The following C9 variants were observed in gnomAD, a reference collection of about 807,000 sequenced individuals.
C9 encodes the protein complement component C9.
A neutral mutation model predicts 65.4 loss-of-function variants in C9; 63 were observed. The ratio of observed to expected loss-of-function variants is 0.96; its 90% confidence interval spans 0.79 to 1.19. C9 has a LOEUF of 1.19. C9 is among the 50% of genes most tolerant of loss of function. The pLI, the probability that C9 is intolerant of heterozygous loss-of-function variation, is 0.00. For synonymous variants in C9, 229 were observed against 227.9 expected, an observed-to-expected ratio of 1.00 and a Z score of -0.04; for missense variants, 744 against 670.1, an observed-to-expected ratio of 1.11 and a Z score of -1.22.
At chr5:39,359,015 AAAATATAT>A (rs756070603) in intron 1 of C9, among the ~76,000 whole-genome samples, 1,379 of 38,762 alleles carry the variant, frequency 0.036, 103 homozygotes, top group East Asian at 0.24. Flanking sequence ...AAATAAATAA[AAAATATAT>A]ATATATATAT....
At chr5:39,286,928 A>G (rs1753000852) in intron 10 of C9, among the ~76,000 whole-genome samples, 1 of 152,020 alleles carries the variant, frequency 6.6e-6, no homozygotes, top group Non-Finnish European at 1.5e-5. Flanking sequence ...AGATGAAAAT[A>G]TGGTTGAATG....
At chr5:39,344,090 G>A (rs1029176024) in intron 1 of C9, among the ~76,000 whole-genome samples, 1 of 152,136 alleles carries the variant, frequency 6.6e-6, no homozygotes, top group African/African-American at 2.4e-5. Context: ...GAGCAGAAAA[G>A]CTGAAAATTC....
chr5:39,353,818 A>G (rs1385417364), intron 1 of C9, among the ~76,000 whole-genome samples: 1 of 152,222 alleles, frequency 6.6e-6, no homozygotes, highest in African/African-American at 2.4e-5. Flanking sequence ...GTTCAGCTTG[A>G]ATATCAAATA....
chr5:39,326,130 T>C (rs696138), intron 5 of C9, among the ~76,000 whole-genome samples: 5,378 of 152,286 alleles, frequency 0.035, 306 homozygotes, highest in African/African-American at 0.12. Flanking sequence ...TTCACAGTTA[T>C]TAACACATTT....
Position 39,341,558 on chromosome 5 carries a change from G to T in C9, c.326C>A (p.Thr109Lys). The T allele has an allele frequency of 6.2e-7, 1 of 1,613,708 alleles. No homozygotes were observed. The highest frequency in any genetic ancestry group is 1.7e-4 in the Middle Eastern group (1 of 6,060). ...AGCAATTCAAGCACAAAGATTACCTGTACTGCATTGAAAGTCATTTCCGCA... is the reference window on the plus strand; with the variant it reads ...AGCAATTCAAGCACAAAGATTACCTTTACTGCATTGAAAGTCATTTCCGCA... The part of the protein sequence containing the change: ...DDCGNDFQCS[T>K]GRCIKMRLRC... The change falls in exon 3 of 11, where the codon ACA becomes AAA. Residue 109 changes from threonine to lysine, a missense_variant and splice_region_variant. Coordinates refer to ENST00000263408, the MANE Select transcript of C9 (RefSeq NM_001737.5).
rs182933087 is a variant in C9 at position 39,296,848 on chromosome 5, C to T, written c.1417-7897G>A. ...AAGCCAGAAAGAGAAAGCTAAACACCGCATGTTTTCTCTTATATGTGGAAG... is the reference window on the plus strand; with the variant it reads ...AAGCCAGAAAGAGAAAGCTAAACACTGCATGTTTTCTCTTATATGTGGAAG... On this transcript the variant is annotated intron_variant, in intron 9 of 10. Coordinates refer to ENST00000263408, the MANE Select transcript of C9 (RefSeq NM_001737.5). 8.1e-4 allele frequency among the ~76,000 whole-genome samples: 122 copies of T among 151,158 alleles called. 1 individual carries two copies. The highest frequency in any genetic ancestry group is 2.8e-3 in the African/African-American group (115 of 41,314).
intron 9 of C9, among the ~76,000 whole-genome samples, chr5:39,290,774 G>A (rs1753077995): frequency 6.6e-6 from 1 of 151,740 alleles, no homozygotes. Context: ...GAGACTAGGA[G>A]GTAGAGCAAC....
rs1474974722 is a variant in C9, at chr5:39,311,011, T to C, written c.1111+126A>G. Reference sequence around the variant, plus strand: ...TAGGTGCCAAAGGGCAGGAAGAGAGTCCTCTCAAAGGAGCAGGTTACAGGG... The same window carrying C: ...TAGGTGCCAAAGGGCAGGAAGAGAGCCCTCTCAAAGGAGCAGGTTACAGGG... On this transcript the variant is annotated intron_variant, in intron 7 of 10. Transcript: ENST00000263408. The C allele has an allele frequency of 5.8e-6, 6 of 1,028,806 alleles. No homozygotes were observed. In the East Asian group the frequency reaches 7.2e-5, roughly 12 times the overall value. 63.7% of individuals were successfully genotyped at this position (1,028,806 alleles called of 1,614,324 possible). A position where few individuals can be genotyped will look rare whatever the true frequency, so the allele number is the denominator to read the frequency against.
intron 1 of C9, among the ~76,000 whole-genome samples, chr5:39,352,724 C>T (rs1199377890): frequency 6.6e-6 from 1 of 152,158 alleles, no homozygotes; most frequent in Non-Finnish European, 1.5e-5. Context: ...CTCTCTAATT[C>T]AGTTTCCAGA....
chr5:39,344,958 G>C (rs545090169), intron 1 of C9, among the ~76,000 whole-genome samples: 38 of 152,260 alleles, frequency 2.5e-4, no homozygotes, highest in African/African-American at 8.9e-4. Flanking sequence ...ATACTTTACA[G>C]ACAAGCAAAT....
chr5:39,362,916 C>A (rs866320024), intron 1 of C9, among the ~76,000 whole-genome samples: 9 of 152,156 alleles, frequency 5.9e-5, no homozygotes, highest in African/African-American at 1.9e-4. Context: ...CCAAACTCAG[C>A]CGTGCAGCTG....
rs185150519 is a variant in C9, at chr5:39,302,610, A to G, written c.1416+4007T>C. ...AAAATGACGGGTTAATTAATTCATG[A>G]ATTACTACATCATGTAACTCTGGAA... On this transcript the variant is annotated intron_variant, in intron 9 of 10. Transcript: ENST00000263408. Among the ~76,000 whole-genome samples, 3 of 152,298 alleles carry G rather than the reference A, an allele frequency of 2.0e-5. No individual in the cohort carries two copies. In the East Asian group the frequency reaches 5.8e-4, roughly 29 times the overall value.
chr5:39,293,632 T>C (rs1055043723), intron 9 of C9, among the ~76,000 whole-genome samples: 1 of 151,914 alleles, frequency 6.6e-6, no homozygotes, highest in Non-Finnish European at 1.5e-5. Flanking sequence ...ACTGTCAGCG[T>C]TGGAGAGATT....
chr5:39,311,160 T>G lies in C9; in HGVS notation c.1088A>C (p.Asp363Ala), dbSNP rs1753475216. Residue 363 changes from aspartate to alanine, a missense_variant, in exon 7 of 11, where the codon GAT becomes GCT. Transcript: ENST00000263408. ...ACCTTTCCGCTTCATGGAAGCTTTA[T>G]CCAAAACATATATTAGTTCATAGAG... ...GGLYELIYVL[D>A]KASMKRKGVE... The G allele has an allele frequency of 6.2e-7, 1 of 1,613,388 alleles. No individual in the cohort carries two copies. Among genetic ancestry groups the G allele is most frequent in the Non-Finnish European group, 8.5e-7 (1 of 1,179,370 alleles).
At chr5:39,322,756 T>C (rs1000284596) in intron 5 of C9, among the ~76,000 whole-genome samples, 5 of 152,146 alleles carry the variant, frequency 3.3e-5, no homozygotes, top group Non-Finnish European at 4.4e-5. Context: ...GTACTGAACA[T>C]GTACAAACTA....
At chr5:39,358,334 A>G (rs1485006573) in intron 1 of C9, among the ~76,000 whole-genome samples, 2 of 152,184 alleles carry the variant, frequency 1.3e-5, no homozygotes, top group Non-Finnish European at 2.9e-5. Flanking sequence ...TAAGGGAAAA[A>G]TAAGTGCAAA....
Position 39,285,203 on chromosome 5 carries a change from T to A in C9, c.1676A>T (p.Lys559Ile), listed in dbSNP as rs747555176. 1.2e-6 allele frequency: 2 copies of A among 1,612,968 alleles called. No individual in the cohort carries two copies. The highest frequency in any genetic ancestry group is 8.5e-7 in the Non-Finnish European group (1 of 1,179,054). The change falls in exon 11 of 11, where the codon AAA becomes ATA. Residue 559 changes from lysine to isoleucine, a missense_variant. Lys to Ile is a moderately radical substitution (Grantham distance 102, BLOSUM62 -3). Transcript: ENST00000263408. ...AGCTCAGAGAAGCCAACAGCTCTAT[T>A]TTTCATTGGGGAACTCTAGGGCTGG... ...GLPALEFPNE[K>I]
At chr5:39,356,570 A>G (rs1754416233) in intron 1 of C9, among the ~76,000 whole-genome samples, 1 of 152,232 alleles carries the variant, frequency 6.6e-6, no homozygotes. Flanking sequence ...GCAAAAATAA[A>G]TTGAAAATTG....
chr5:39,335,428 T>C (rs1753944988), intron 4 of C9, among the ~76,000 whole-genome samples: 1 of 152,224 alleles, frequency 6.6e-6, no homozygotes, highest in Non-Finnish European at 1.5e-5. Context: ...ATCTGTGGGC[T>C]CTGTGCCTGT....
Sources: allele counts gnomAD v4.1 joint callset (sites outside exome capture counted in the v4.1 genomes callset), GRCh38; gene constraint gnomAD v4.1.1; transcripts MANE v1.5; gene names NCBI Gene and HGNC (gene_info 2026-07-23, HGNC 2026-07-21).